CCDC40: variants seen among roughly 807,000 people sequenced by gnomAD.
The protein encoded by CCDC40 is coiled-coil domain 40 molecular ruler complex subunit.
Under a neutral mutation model 124.5 loss-of-function variants are expected in CCDC40, and 104 were observed. The observed-to-expected ratio is 0.84, with a 90% CI of 0.71 to 0.98. The LOEUF (loss-of-function observed/expected upper bound fraction) is 0.98. Ranked by LOEUF, CCDC40 falls within the 50% of genes least tolerant of loss-of-function variation. The probability of loss-of-function intolerance (pLI) is 0.00; values close to 1 mark genes in which losing one functional copy is unlikely to be tolerated. For synonymous variants in CCDC40, 580 were observed against 602.9 expected, an observed-to-expected ratio of 0.96 and a Z score of 0.56; for missense variants, 1,463 against 1,503.9, an observed-to-expected ratio of 0.97 and a Z score of 0.45.
chr17:80,090,291 GCGCGCAGGCA>G (rs1567813695), intron 17 of CCDC40: 1 of 1,307,370 alleles, frequency 7.6e-7, no homozygotes, highest in Non-Finnish European at 1.0e-6. Context: ...AACACGGGAC[GCGCGCAGGCA>G]CGTGCACGAA....
rs910915114 is a variant in CCDC40, at chr17:80,040,633, C to G, written c.552+363C>G. 1.1e-5 allele frequency: 3 copies of G among 279,884 alleles called. No homozygotes were observed. In the East Asian group the frequency reaches 2.7e-4, roughly 25 times the overall value. The allele number at this position is 279,884 out of a possible 1,614,324, so 17.3% of individuals were successfully genotyped here. A position where few individuals can be genotyped will look rare whatever the true frequency, so the allele number is the denominator to read the frequency against. ...GGCGGAGGCTGCAGTGAGCCAAGAT[C>G]CCACCATTGCACTATAGCCTGGGCA... On this transcript the variant is annotated intron_variant, in intron 3 of 19. Coordinates refer to ENST00000397545, the MANE Select transcript of CCDC40 (RefSeq NM_017950.4).
intron 17 of CCDC40, among the ~76,000 whole-genome samples, chr17:80,094,704 T>A (rs1269876442): frequency 6.6e-6 from 1 of 152,178 alleles, no homozygotes; most frequent in Non-Finnish European, 1.5e-5. Flanking sequence ...AAAAAATTTT[T>A]AAAAAAGCAC....
chr17:80,090,251 C>A (rs1384119425), intron 17 of CCDC40: 4 of 858,274 alleles, frequency 4.7e-6, no homozygotes, highest in Middle Eastern at 2.5e-4. Flanking sequence ...GCACGAACAA[C>A]ACGGGACGCG....
chr17:80,069,840 T>C (rs1467642255), intron 10 of CCDC40, among the ~76,000 whole-genome samples: 1 of 151,960 alleles, frequency 6.6e-6, no homozygotes, highest in Non-Finnish European at 1.5e-5. Flanking sequence ...AAAAGAAAAC[T>C]GAGGGCTTGC....
In CCDC40 at chr17:80,099,888, G is replaced by A. The variant is rs993761056; in HGVS notation, c.*113G>A. On this transcript the variant is annotated 3_prime_UTR_variant, in exon 20 of 20. Coordinates refer to ENST00000397545, the MANE Select transcript of CCDC40 (RefSeq NM_017950.4). ...CTAAAAACCACATGTACCCTCAGAA[G>A]GGCATCGTTTAAGAGAAATAAGCCA... The A allele has an allele frequency of 3.9e-5, 47 of 1,218,366 alleles. No individual in the cohort carries two copies. The East Asian group carries it at 7.0e-4, about 18-fold the overall frequency. The allele number at this position is 1,218,366 out of a possible 1,614,324, so 75.5% of individuals were successfully genotyped here. A position where few individuals can be genotyped will look rare whatever the true frequency, so the allele number is the denominator to read the frequency against.
At chr17:80,096,174 C>T (rs937918096) in intron 18 of CCDC40, among the ~76,000 whole-genome samples, 2 of 152,200 alleles carry the variant, frequency 1.3e-5, no homozygotes. Context: ...GCAACCACAG[C>T]CGTGGGTGGG....
chr17:80,073,815 C>T (rs1436260234), intron 10 of CCDC40, among the ~76,000 whole-genome samples: 1 of 152,158 alleles, frequency 6.6e-6, no homozygotes, highest in African/African-American at 2.4e-5. Flanking sequence ...CCTGCCCCAG[C>T]CTCCCGAGTG....
intron 3 of CCDC40, among the ~76,000 whole-genome samples, chr17:80,041,228 T>A (rs1046541233): frequency 1.8e-4 from 27 of 151,872 alleles, no homozygotes; most frequent in African/African-American, 6.5e-4. Context: ...AGAAATTGGG[T>A]CGGGCATGGT....
At chr17:80,046,950 A>G (rs1039957995) in intron 3 of CCDC40, among the ~76,000 whole-genome samples, 3 of 152,028 alleles carry the variant, frequency 2.0e-5, no homozygotes, top group Non-Finnish European at 4.4e-5. Flanking sequence ...GGTTCAAGCA[A>G]TTCTCCCTCC....
rs1039836915 is a variant in CCDC40 at position 80,086,359 on chromosome 17, C to T, written c.2449+143C>T. On this transcript the variant is annotated intron_variant, in intron 14 of 19. Coordinates refer to ENST00000397545, the MANE Select transcript of CCDC40 (RefSeq NM_017950.4). The surrounding 1 kb of genome is among the most constrained non-coding windows in gnomAD (Gnocchi z 5.5). The stretch of plus-strand genomic sequence containing the variant: ...AGCAAATAACAAACGCGCATGCTCC[C>T]TGTATTTTGTAAATGTGAACCACTG... 2.9e-6 allele frequency: 2 copies of T among 697,416 alleles called. No individual in the cohort carries two copies. The highest frequency in any genetic ancestry group is 2.3e-5 in the Admixed American group (1 of 44,208). 43.2% of individuals were successfully genotyped at this position (697,416 alleles called of 1,614,324 possible).
At chr17:80,094,975 C>T (rs532578642) in intron 17 of CCDC40, among the ~76,000 whole-genome samples, 1 of 152,322 alleles carries the variant, frequency 6.6e-6, no homozygotes, top group African/African-American at 2.4e-5. Context: ...TTTTTTTCTG[C>T]TGCAGGATCT....
At chr17:80,090,326 CGCAGGCACGTGCACGAACAAGGGACGCG>C in intron 17 of CCDC40, 1 of 637,740 alleles carries the variant, frequency 1.6e-6, no homozygotes, top group South Asian at 2.6e-5. Flanking sequence ...ACGGGACGCG[CGCAGGCACGTGCACGAACAAGGGACGCG>C]CGCAGGCACG....
rs1356118121 is a variant in CCDC40, at chr17:80,095,265, C to G, written c.2835C>G (p.Val945=). ...AMKGEIHRMK[V]RLGQLLKQQE... is the part of the protein sequence containing the mutation. ...AGCCCCTCTGTCCTGTCTCCCAGGT[C>G]AGGCTCGGGCAGCTGCTGAAGCAGC... is the stretch of plus-strand genomic sequence containing the variant. Residue 945 remains valine, a splice_region_variant and synonymous_variant, in exon 18 of 20, where the codon GTC becomes GTG. Coordinates refer to ENST00000397545, the MANE Select transcript of CCDC40 (RefSeq NM_017950.4). 1 of 1,613,794 alleles carries G rather than the reference C, an allele frequency of 6.2e-7. No individual in the cohort carries two copies. Among genetic ancestry groups the G allele is most frequent in the Non-Finnish European group, 8.5e-7 (1 of 1,179,990 alleles).
At chr17:80,037,553 G>A (rs2037117090) in intron 1 of CCDC40, among the ~76,000 whole-genome samples, 1 of 151,616 alleles carries the variant, frequency 6.6e-6, no homozygotes, top group South Asian at 2.1e-4. Context: ...TTGAAAGAAT[G>A]TGGTCCTAAA....
intron 3 of CCDC40, among the ~76,000 whole-genome samples, chr17:80,041,797 A>T (rs1048510175): frequency 1.3e-5 from 2 of 152,152 alleles, no homozygotes; most frequent in Non-Finnish European, 2.9e-5. Flanking sequence ...TAGTGGGACT[A>T]TCACGGAAGC....
At chr17:80,060,749 GCAAGA>G (rs1372860675) in intron 9 of CCDC40, among the ~76,000 whole-genome samples, 5 of 152,134 alleles carry the variant, frequency 3.3e-5, no homozygotes, top group Non-Finnish European at 7.3e-5. Flanking sequence ...AGATAGACAG[GCAAGA>G]CATTGAAGCC....
Position 80,086,358 on chromosome 17 carries a change from C to T in CCDC40, c.2449+142C>T. 1 of 701,206 alleles carries T rather than the reference C, an allele frequency of 1.4e-6. No homozygotes were observed. The highest frequency in any genetic ancestry group is 2.3e-5 in the Admixed American group (1 of 44,392). The allele number at this position is 701,206 out of a possible 1,614,324, so 43.4% of individuals were successfully genotyped here. On this transcript the variant is annotated intron_variant, in intron 14 of 19. Transcript: ENST00000397545. The surrounding 1 kb of genome is among the most constrained non-coding windows in gnomAD (Gnocchi z 5.5). ...AAGCAAATAACAAACGCGCATGCTC[C>T]CTGTATTTTGTAAATGTGAACCACT...
In CCDC40 at chr17:80,047,365, G is replaced by A. The variant is rs771560826; in HGVS notation, c.639G>A (p.Glu213=). The change falls in exon 4 of 20, where the codon GAG becomes GAA. Residue 213 remains glutamate, a synonymous_variant. Transcript: ENST00000397545. The stretch of plus-strand genomic sequence containing the variant: ...GGCTGAGCCACGGGAGCGACATCGA[G>A]TCCTCAGACCTGGAGGAGTTCGTCT... ...RFRLSHGSDI[E]SSDLEEFVSQ... is the part of the protein sequence containing the mutation. The A allele has an allele frequency of 5.0e-6, 8 of 1,613,582 alleles. No individual in the cohort carries two copies. Among genetic ancestry groups the A allele is most frequent in the Non-Finnish European group, 6.8e-6 (8 of 1,179,904 alleles).
At chr17:80,052,877 G>A (rs149341230) in intron 7 of CCDC40, among the ~76,000 whole-genome samples, 3 of 152,194 alleles carry the variant, frequency 2.0e-5, no homozygotes, top group African/African-American at 7.2e-5. Flanking sequence ...AGAGAACAAA[G>A]TGTTAGGAAA....
Sources: allele counts gnomAD v4.1 joint callset (sites outside exome capture counted in the v4.1 genomes callset), GRCh38; gene constraint gnomAD v4.1.1; non-coding constraint Gnocchi (gnomAD v3.1); transcripts MANE v1.5; gene names NCBI Gene and HGNC (gene_info 2026-07-23, HGNC 2026-07-21).